Variants in KCNQ3 observed in about 807,000 individuals in gnomAD.
The protein encoded by KCNQ3 is potassium voltage-gated channel subfamily KQT member 3.
KCNQ3 carries 30 observed loss-of-function variants against 92.5 expected under a neutral mutation model. The ratio of observed to expected loss-of-function variants is 0.32; its 90% CI spans 0.24 to 0.44. The LOEUF is 0.44. Ranked by LOEUF, KCNQ3 falls within the 20% of genes least tolerant of loss-of-function variation. The pLI, the probability that KCNQ3 is intolerant of heterozygous loss-of-function variation, is 1.00. For missense variants in KCNQ3, 913 were observed against 1,140.3 expected (o/e 0.80, Z 2.87); for synonymous variants, 450 against 468.8 (o/e 0.96, Z 0.52).
intron 1 of KCNQ3, among the ~76,000 whole-genome samples, chr8:132,294,003 T>TTTTTTTTGTTGTTG (rs1221155918): frequency 7.5e-5 from 8 of 107,142 alleles, no homozygotes; most frequent in African/African-American, 3.2e-4. Context: ...GTGTGTGGTT[T>TTTTTTTTGTTGTTG]TTTTTTTTTT....
intron 1 of KCNQ3, among the ~76,000 whole-genome samples, chr8:132,324,743 G>A (rs1465356173): frequency 1.3e-5 from 2 of 152,270 alleles, no homozygotes; most frequent in African/African-American, 4.8e-5. Flanking sequence ...ATTTTTATAG[G>A]CTAAGGCTAG....
chr8:132,318,611 T>C (rs11776665), intron 1 of KCNQ3, among the ~76,000 whole-genome samples: 74,225 of 151,516 alleles, frequency 0.49, 18,577 homozygotes, highest in East Asian at 0.65. Flanking sequence ...TGCAGCTCGC[T>C]TGTCAGCGAT....
At chr8:132,134,411 G>A (rs1194921166) in intron 12 of KCNQ3, 23 bp from the exon 13 acceptor site, 35 of 1,488,388 alleles carry the variant, frequency 2.4e-5, no homozygotes, top group Non-Finnish European at 3.2e-5. Context: ...AACAGAGCAG[G>A]GATTAAATTA....
intron 9 of KCNQ3, among the ~76,000 whole-genome samples, chr8:132,150,411 G>A (rs926109780): frequency 4.6e-5 from 7 of 152,136 alleles, no homozygotes; most frequent in Non-Finnish European, 1.0e-4. Flanking sequence ...TACCCTCCAC[G>A]AACCACCTTG....
chr8:132,380,945 A>C (rs1292224486), intron 1 of KCNQ3, among the ~76,000 whole-genome samples: 7 of 151,804 alleles, frequency 4.6e-5, no homozygotes, highest in Admixed American at 3.9e-4. Context: ...AAAAAAAAAA[A>C]AAAAAACAAC....
chr8:132,479,965 C>T (rs968659403), intron 1 of KCNQ3, among the ~76,000 whole-genome samples, 182 bp downstream of exon 1: 19 of 150,856 alleles, frequency 1.3e-4, no homozygotes, highest in African/African-American at 4.4e-4. Context: ...CACACACACA[C>T]ACACACACAC....
At chr8:132,193,411 A>G (rs1827217404) in intron 1 of KCNQ3, among the ~76,000 whole-genome samples, 1 of 152,204 alleles carries the variant, frequency 6.6e-6, no homozygotes, top group East Asian at 1.9e-4. Context: ...GCCTCAGGAC[A>G]GGAACCAGTG....
chr8:132,133,725 G>A (rs1019747655), intron 13 of KCNQ3, among the ~76,000 whole-genome samples: 22 of 152,212 alleles, frequency 1.4e-4, no homozygotes, highest in African/African-American at 5.3e-4. Flanking sequence ...TGTGTTACCT[G>A]CCTTGAAGAC....
At position 132,328,820 on chromosome 8, in the gene KCNQ3, T is replaced by G. The variant is rs187083447; in HGVS notation, c.387-142639A>C. ...ACCACTCTTTCTCATTTTTACCTGC[T>G]CCTTCCTAGGCCACATCCTCTCTCC... On this transcript the variant is annotated intron_variant, in intron 1 of 14. Transcript: ENST00000388996. Among the ~76,000 whole-genome samples the G allele has an allele frequency of 3.3e-5, 5 of 152,304 alleles. No individual in the cohort carries two copies. In the East Asian group the frequency reaches 9.6e-4, roughly 29 times the overall value.
chr8:132,209,544 A>C (rs7000042), intron 1 of KCNQ3, among the ~76,000 whole-genome samples: 66,743 of 135,284 alleles, frequency 0.49, 15,088 homozygotes, highest in Middle Eastern at 0.53. Flanking sequence ...CACACACACA[A>C]ACACACACAC....
intron 9 of KCNQ3, among the ~76,000 whole-genome samples, chr8:132,159,689 G>A (rs1221181017): frequency 6.6e-6 from 1 of 152,146 alleles, no homozygotes; most frequent in Non-Finnish European, 1.5e-5. Flanking sequence ...AAGAGATAAA[G>A]AGAGAAAATC....
At chr8:132,478,024 A>G (rs1048937636) in intron 1 of KCNQ3, among the ~76,000 whole-genome samples, 3 of 152,238 alleles carry the variant, frequency 2.0e-5, no homozygotes, top group Non-Finnish European at 4.4e-5. Flanking sequence ...ATTTCCATCT[A>G]ATAGTACTGT....
intron 1 of KCNQ3, among the ~76,000 whole-genome samples, chr8:132,332,431 T>A (rs750025461): frequency 3.9e-5 from 6 of 152,220 alleles, no homozygotes; most frequent in Admixed American, 6.5e-5. Flanking sequence ...AGTAGGACAG[T>A]TCTGACATCC....
intron 3 of KCNQ3, among the ~76,000 whole-genome samples, chr8:132,181,236 C>G (rs563766031): frequency 6.6e-6 from 1 of 152,260 alleles, no homozygotes; most frequent in Admixed American, 6.5e-5. Context: ...AGGAACTGAT[C>G]TGTTTTCTAT....
At chr8:132,375,986 G>T (rs1011301672) in intron 1 of KCNQ3, among the ~76,000 whole-genome samples, 1 of 152,184 alleles carries the variant, frequency 6.6e-6, no homozygotes, top group Non-Finnish European at 1.5e-5. Flanking sequence ...TTGAGGGCAG[G>T]GGGGTGTCTT....
intron 1 of KCNQ3, among the ~76,000 whole-genome samples, chr8:132,437,711 G>A (rs2130832927): frequency 6.6e-6 from 1 of 152,148 alleles, no homozygotes; most frequent in South Asian, 2.1e-4. Flanking sequence ...ATACATCTAG[G>A]TTGCTTGGGA....
chr8:132,413,892 G>A (rs981634398), intron 1 of KCNQ3, among the ~76,000 whole-genome samples: 1 of 152,246 alleles, frequency 6.6e-6, no homozygotes, highest in African/African-American at 2.4e-5. Flanking sequence ...TCACCCGCAC[G>A]CCCACCCATG....
intron 1 of KCNQ3, among the ~76,000 whole-genome samples, chr8:132,408,585 CA>C (rs2130794206): frequency 6.6e-6 from 1 of 152,270 alleles, no homozygotes; most frequent in South Asian, 2.1e-4. Flanking sequence ...GATGAAATTC[CA>C]GCAACTATTT....
At chr8:132,187,855 A>ATGGTGATGG (rs1827038983) in intron 1 of KCNQ3, among the ~76,000 whole-genome samples, 8 of 69,816 alleles carry the variant, frequency 1.1e-4, no homozygotes, top group Non-Finnish European at 1.8e-4. Context: ...GGTGGTAGTG[A>ATGGTGATGG]TGGTGGTGGT....
Sources: allele counts gnomAD v4.1 joint callset (sites outside exome capture counted in the v4.1 genomes callset), GRCh38; gene constraint gnomAD v4.1.1; transcripts MANE v1.5; gene names NCBI Gene and HGNC (gene_info 2026-07-23, HGNC 2026-07-21).